The following PMS2 variants were observed in gnomAD, a reference collection of about 807,000 sequenced individuals.
The protein encoded by PMS2 is mismatch repair endonuclease PMS2.
In PMS2, 69 loss-of-function variants were observed where a neutral mutation model predicts 90.0. The observed-to-expected ratio is 0.77, with a 90% confidence interval of 0.63 to 0.94. PMS2 has a LOEUF of 0.94. Ranked by LOEUF, PMS2 falls within the 40% of genes least tolerant of loss-of-function variation. The probability of loss-of-function intolerance (pLI) is 0.00; values close to 1 mark genes in which losing one functional copy is unlikely to be tolerated. For missense variants in PMS2, 966 were observed against 1,040.2 expected (o/e 0.93, Z 0.98); for synonymous variants, 332 against 375.1 (o/e 0.89, Z 1.33).
At position 5,999,189 on chromosome 7, in the gene PMS2, T is replaced by C. The variant is rs2128800667; in HGVS notation, c.624A>G (p.Gln208=). Reference sequence around the variant, plus strand: ...TGCATACCACAGGCTGTCGTTTTCCTTGTCCAAGCTGATTGGTGCAACTTA... The same window carrying C: ...TGCATACCACAGGCTGTCGTTTTCCCTGTCCAAGCTGATTGGTGCAACTTA... ...IRVSCTNQLG[Q]GKRQPVVCTG... Residue 208 remains glutamine (Q), a synonymous_variant, in exon 6 of 15, where the codon CAA becomes CAG. Transcript: ENST00000265849. 1 of 1,614,118 alleles carries C rather than the reference T, an allele frequency of 6.2e-7. No individual in the cohort carries two copies. Among genetic ancestry groups the C allele is most frequent in the Non-Finnish European group, 8.5e-7 (1 of 1,180,004 alleles).
chr7:5,981,337 T>C (rs1288987101), intron 12 of PMS2, among the ~76,000 whole-genome samples: 1 of 149,926 alleles, frequency 6.7e-6, no homozygotes, highest in Non-Finnish European at 1.5e-5. Context: ...CTCAATCTCC[T>C]GGGCTCAAAC....
At position 6,000,797 on chromosome 7, in the gene PMS2, G is replaced by C. The variant is rs1306569871; in HGVS notation, c.538-1522C>G. Among the ~76,000 whole-genome samples, 3 of 151,928 alleles carry C rather than the reference G, an allele frequency of 2.0e-5. No homozygotes were observed. The East Asian group carries it at 5.8e-4, about 29-fold the overall frequency. On this transcript the variant is annotated intron_variant, in intron 5 of 14. Coordinates refer to ENST00000265849, the MANE Select transcript of PMS2 (RefSeq NM_000535.7). ...CTTGAGGTCAGGGGTGCAAGACCAGGCTAGCCAACATGGTGAAACTCCATC... is the reference window on the plus strand; with the variant it reads ...CTTGAGGTCAGGGGTGCAAGACCAGCCTAGCCAACATGGTGAAACTCCATC...
intron 7 of PMS2, among the ~76,000 whole-genome samples, chr7:5,996,063 C>T (rs937522772): frequency 8.5e-5 from 13 of 152,138 alleles, no homozygotes; most frequent in African/African-American, 1.2e-4. Context: ...CCGGGTAGGA[C>T]GCTTATATCT....
intron 7 of PMS2, among the ~76,000 whole-genome samples, chr7:5,996,552 A>G (rs937211593): frequency 4.8e-5 from 7 of 146,742 alleles, no homozygotes; most frequent in East Asian, 2.0e-4. Flanking sequence ...AGCCTAGGCA[A>G]CAAAGCAAGA....
At chr7:5,999,001 A>G in intron 6 of PMS2, 107 bp downstream of exon 6, 4 of 1,263,248 alleles carry the variant, frequency 3.2e-6, no homozygotes, top group Admixed American at 1.9e-5. Flanking sequence ...AAAAAAAAAA[A>G]AAAATCAATT....
intron 6 of PMS2, among the ~76,000 whole-genome samples, chr7:5,998,609 G>A (rs750938016): frequency 2.6e-5 from 4 of 151,186 alleles, no homozygotes; most frequent in South Asian, 2.1e-4. Flanking sequence ...TAGGAGAATT[G>A]CTTCAACGCG....
chr7:5,978,836 G>A (rs1782009715), intron 12 of PMS2, 140 bp from the exon 13 acceptor site: 2 of 1,113,908 alleles, frequency 1.8e-6, no homozygotes, highest in Non-Finnish European at 2.6e-6. Context: ...ACTCAGCTAA[G>A]TGTCACAAAA....
intron 12 of PMS2, 136 bp from the exon 13 acceptor site, chr7:5,978,832 C>T: frequency 9.0e-7 from 1 of 1,112,270 alleles, no homozygotes; most frequent in Non-Finnish European, 1.3e-6. Flanking sequence ...CACTACTCAG[C>T]TAAGTGTCAC....
Position 5,972,835 on chromosome 7 carries a change from TTTG to T in PMS2, c.*561_*563del, listed in dbSNP as rs1422193761. ...TCCAAAGTGGTTTGGTTTTTTTTTT[TTTG>T]TTTTGTTTTGTTTTGTTTTTTGAGA... On this transcript the variant is annotated 3_prime_UTR_variant, in exon 15 of 15. Transcript: ENST00000265849. Among the ~76,000 whole-genome samples, 3 of 61,288 alleles carry T rather than the reference TTTG, an allele frequency of 4.9e-5. No homozygotes were observed. The highest frequency in any genetic ancestry group is 1.5e-3 in the South Asian group (2 of 1,372). The allele number at this position is 61,288 out of a possible 152,430, so 40.2% of individuals were successfully genotyped here. A position where few individuals can be genotyped will look rare whatever the true frequency, so the allele number is the denominator to read the frequency against.
chr7:5,979,422 A>G (rs1247010339), intron 12 of PMS2, among the ~76,000 whole-genome samples: 1 of 148,778 alleles, frequency 6.7e-6, no homozygotes, highest in Non-Finnish European at 1.5e-5. Context: ...GTAGCTACAA[A>G]AGTAGTTTGC....
In PMS2 at chr7:5,992,029, T is replaced by C. The variant is rs1562651786; in HGVS notation, c.932A>G (p.His311Arg). 1.3e-6 allele frequency: 2 copies of C among 1,598,956 alleles called. No individual in the cohort carries two copies. ...TGGATACTGGTGTCGATTATACATG[T>C]GGTAGACCTCATTCACGAGTCTGCA... ...KVCRLVNEVYHMYNRHQYPFV... is the reference protein window; with the variant it reads ...KVCRLVNEVYRMYNRHQYPFV... Residue 311 changes from histidine to arginine, a missense_variant, in exon 9 of 15, where the codon CAC (histidine) becomes CGC (arginine). Physicochemically the swap from His to Arg is conservative, Grantham distance 29. Coordinates refer to ENST00000265849, the MANE Select transcript of PMS2 (RefSeq NM_000535.7).
At chr7:5,998,690 G>C (rs951486970) in intron 6 of PMS2, among the ~76,000 whole-genome samples, 3 of 127,288 alleles carry the variant, frequency 2.4e-5, no homozygotes, top group African/African-American at 9.4e-5. Context: ...CAAGACTCCA[G>C]CTCAAAAAAA....
intron 8 of PMS2, among the ~76,000 whole-genome samples, chr7:5,994,911 T>C (rs1784207064): frequency 6.6e-6 from 1 of 152,156 alleles, no homozygotes; most frequent in Non-Finnish European, 1.5e-5. Flanking sequence ...TATTTTATAA[T>C]AAAATGTTGA....
At chr7:5,992,724 A>G (rs965358364) in intron 8 of PMS2, among the ~76,000 whole-genome samples, 1 of 152,196 alleles carries the variant, frequency 6.6e-6, no homozygotes, top group African/African-American at 2.4e-5. Context: ...ATACACAAAC[A>G]CCTGTGAAAC....
intron 11 of PMS2, among the ~76,000 whole-genome samples, chr7:5,985,591 T>C (rs1782773689): frequency 6.6e-6 from 1 of 150,840 alleles, no homozygotes. Context: ...TTCGCTCTTG[T>C]TGCCCAGGCT....
chr7:5,998,374 C>T (rs1463340803), intron 6 of PMS2, among the ~76,000 whole-genome samples: 2 of 147,118 alleles, frequency 1.4e-5, no homozygotes, highest in Admixed American at 6.8e-5. Context: ...GCCACTGCGC[C>T]GGGCCTTGTG....
intron 9 of PMS2, among the ~76,000 whole-genome samples, 195 bp from the exon 10 acceptor site, chr7:5,990,150 A>G (rs1215067235): frequency 6.6e-6 from 1 of 152,218 alleles, no homozygotes; most frequent in Non-Finnish European, 1.5e-5. Flanking sequence ...CTAGGATTAC[A>G]GGCAAGTGCC....
chr7:5,992,316 A>ATT (rs1444607368), intron 8 of PMS2, among the ~76,000 whole-genome samples: 6 of 140,898 alleles, frequency 4.3e-5, no homozygotes, highest in Non-Finnish European at 4.7e-5. Flanking sequence ...TACAGGCAGG[A>ATT]TTTTTTTTTC....
chr7:5,999,423 T>C (rs774373130), intron 5 of PMS2, 148 bp from the exon 6 acceptor site: 1 of 768,030 alleles, frequency 1.3e-6, no homozygotes. Flanking sequence ...TAAAGAGGTG[T>C]CTTCCTATAT....
Sources: gnomAD v4.1 joint callset for allele counts (sites outside exome capture counted in the v4.1 genomes callset) on GRCh38, gnomAD v4.1.1 for gene constraint, MANE v1.5 for transcripts, NCBI Gene and HGNC (gene_info 2026-07-23, HGNC 2026-07-21) for gene names.